The following TNFAIP6 variants were observed in gnomAD, a reference collection of about 807,000 sequenced individuals.
TNFAIP6 encodes tumor necrosis factor-inducible gene 6 protein.
Under a neutral mutation model 33.7 loss-of-function variants are expected in TNFAIP6, and 36 were observed. The observed-to-expected ratio is 1.07, with a 90% confidence interval of 0.82 to 1.41. The LOEUF (loss-of-function observed/expected upper bound fraction) is 1.41, where lower values mean the gene tolerates loss of function less well. Among genes scored for constraint, TNFAIP6 ranks in the 40% most tolerant of loss-of-function variants. The probability of loss-of-function intolerance (pLI) is 0.00; values close to 1 mark genes in which losing one functional copy is unlikely to be tolerated. For synonymous variants in TNFAIP6, 113 were observed against 112.8 expected (o/e 1.00, Z -0.01); for missense variants, 273 against 331.9 (o/e 0.82, Z 1.38).
chr2:151,359,947 T>G (rs1374323006), intron 1 of TNFAIP6, among the ~76,000 whole-genome samples: 1 of 152,152 alleles, frequency 6.6e-6, no homozygotes, highest in African/African-American at 2.4e-5. Flanking sequence ...ACATGGATCA[T>G]GAGAATAAAA....
chr2:151,366,701 A>G (rs1684717105), intron 3 of TNFAIP6, among the ~76,000 whole-genome samples: 1 of 152,256 alleles, frequency 6.6e-6, no homozygotes, highest in Non-Finnish European at 1.5e-5. Context: ...AAAAGGAGAC[A>G]AAGTAAACAA....
chr2:151,368,051 T>G (rs1684745615), intron 3 of TNFAIP6, among the ~76,000 whole-genome samples: 1 of 152,098 alleles, frequency 6.6e-6, no homozygotes, highest in African/African-American at 2.4e-5. Context: ...TCTATTAATA[T>G]ATACAACAAA....
chr2:151,364,626 G>A (rs1408531012), intron 2 of TNFAIP6, among the ~76,000 whole-genome samples: 2 of 152,140 alleles, frequency 1.3e-5, no homozygotes, highest in East Asian at 1.9e-4. Flanking sequence ...CTGGGAAGAT[G>A]GTATCAGAAG....
rs77956705 is a variant in TNFAIP6 at position 151,366,355 on chromosome 2, A to G, written c.394+138A>G. 4.2e-3 allele frequency: 3,066 copies of G among 735,656 alleles called. 73 individuals are homozygous for G. In the African/African-American group the frequency reaches 0.048, roughly 12 times the overall value. 45.6% of individuals were successfully genotyped at this position (735,656 alleles called of 1,614,324 possible). A position where few individuals can be genotyped will look rare whatever the true frequency, so the allele number is the denominator to read the frequency against. On this transcript the variant is annotated intron_variant, in intron 3 of 5. Coordinates refer to ENST00000243347, the MANE Select transcript of TNFAIP6 (RefSeq NM_007115.4). The stretch of plus-strand genomic sequence containing the variant: ...ACTACTACTAATAACTACAATTCAT[A>G]AAGTGCTTATACTATACCCGACATT...
rs201397265 is a variant in TNFAIP6 at position 151,371,593 on chromosome 2, C to CT, written c.623+1356dup. 8.7e-3 allele frequency among the ~76,000 whole-genome samples: 1,277 copies of CT among 145,966 alleles called. 22 individuals carry two copies. The East Asian group carries it at 0.094, about 11-fold the overall frequency. ...TTTTCTTCTTTCTACATCTTTTTTT[C>CT]TTTTTTTTTTTCTTTTTTTTGAGAC... is the stretch of plus-strand genomic sequence containing the variant. On this transcript the variant is annotated intron_variant, in intron 4 of 5. Coordinates refer to ENST00000243347, the MANE Select transcript of TNFAIP6 (RefSeq NM_007115.4).
At chr2:151,361,126 G>A (rs1345145260) in intron 1 of TNFAIP6, among the ~76,000 whole-genome samples, 2 of 151,794 alleles carry the variant, frequency 1.3e-5, no homozygotes, top group Admixed American at 1.3e-4. Context: ...CCCAGGCTGG[G>A]GTGTTGTGGC....
intron 4 of TNFAIP6, among the ~76,000 whole-genome samples, chr2:151,371,158 A>G (rs1384243380): frequency 6.6e-6 from 1 of 152,182 alleles, no homozygotes; most frequent in Non-Finnish European, 1.5e-5. Context: ...AGTAAGGTAA[A>G]TAAGCAAAGT....
At position 151,379,815 on chromosome 2, in the gene TNFAIP6, G is replaced by T; in HGVS notation, c.*282G>T. On this transcript the variant is annotated 3_prime_UTR_variant, in exon 6 of 6. Transcript: ENST00000243347. ...TGTATATATGTACCTATATGTATTT[G>T]CATTTGAAATTTTGGAATCCTGCTC... 1 of 182,508 alleles carries T rather than the reference G, an allele frequency of 5.5e-6. No homozygotes were observed. Among genetic ancestry groups the T allele is most frequent in the Non-Finnish European group, 1.1e-5 (1 of 89,048 alleles). The allele number at this position is 182,508 out of a possible 1,614,324, so 11.3% of individuals were successfully genotyped here.
intron 1 of TNFAIP6, among the ~76,000 whole-genome samples, chr2:151,363,259 T>C (rs1032541591): frequency 6.6e-6 from 1 of 151,996 alleles, no homozygotes; most frequent in African/African-American, 2.4e-5. Context: ...GAGATTGCAG[T>C]GAGCCCAGAT....
At chr2:151,362,058 TC>T (rs2152012199) in intron 1 of TNFAIP6, among the ~76,000 whole-genome samples, 1 of 152,314 alleles carries the variant, frequency 6.6e-6, no homozygotes, top group East Asian at 1.9e-4. Flanking sequence ...AATATGTATG[TC>T]CTCACTGCAA....
At chr2:151,363,232 C>G (rs1435076215) in intron 1 of TNFAIP6, among the ~76,000 whole-genome samples, 2 of 151,854 alleles carry the variant, frequency 1.3e-5, no homozygotes, top group Non-Finnish European at 2.9e-5. Context: ...AGGAGAATCG[C>G]TTGAACCCAG....
intron 1 of TNFAIP6, among the ~76,000 whole-genome samples, chr2:151,363,269 T>C (rs1216775612): frequency 6.6e-6 from 1 of 151,786 alleles, no homozygotes; most frequent in Non-Finnish European, 1.5e-5. Context: ...TGAGCCCAGA[T>C]TGCACCAGCC....
At position 151,357,682 on chromosome 2, in the gene TNFAIP6, T is replaced by C; in HGVS notation, c.16T>C (p.Tyr6His). Residue 6 changes from tyrosine to histidine, a missense_variant, in exon 1 of 6, where the codon TAC becomes CAC. By Grantham distance (83) the Tyr-to-His change is moderately conservative. Transcript: ENST00000243347. Reference sequence around the variant, plus strand: ...AACTGACGATATGATCATCTTAATTTACTTATTTCTCTTGCTATGGGAAGA... The same window carrying C: ...AACTGACGATATGATCATCTTAATTCACTTATTTCTCTTGCTATGGGAAGA... MIILI[Y>H]LFLLLWEDTQ... 6.2e-7 allele frequency: 1 copy of C among 1,610,516 alleles called. No homozygotes were observed. Among genetic ancestry groups the C allele is most frequent in the Non-Finnish European group, 8.5e-7 (1 of 1,176,838 alleles).
At chr2:151,369,947 A>G in intron 3 of TNFAIP6, 73 bp from the exon 4 acceptor site, 2 of 1,155,184 alleles carry the variant, frequency 1.7e-6, no homozygotes, top group South Asian at 2.8e-5. Context: ...TTGCTAAGAA[A>G]TGTCATTTTT....
chr2:151,364,524 T>G (rs1684680426), intron 2 of TNFAIP6, among the ~76,000 whole-genome samples: 1 of 152,142 alleles, frequency 6.6e-6, no homozygotes, highest in Non-Finnish European at 1.5e-5. Flanking sequence ...CCAATTTTTT[T>G]CCATTAAGTG....
chr2:151,376,578 T>C (rs930017117), intron 5 of TNFAIP6, among the ~76,000 whole-genome samples: 3 of 152,224 alleles, frequency 2.0e-5, no homozygotes, highest in Non-Finnish European at 2.9e-5. Context: ...GATGTTTTTC[T>C]ATTATACAAA....
chr2:151,367,547 T>C (rs1251523255), intron 3 of TNFAIP6, among the ~76,000 whole-genome samples: 1 of 152,168 alleles, frequency 6.6e-6, no homozygotes, highest in Non-Finnish European at 1.5e-5. Context: ...ACTGGATAAT[T>C]TCCATAGATT....
downstream of TNFAIP6, among the ~76,000 whole-genome samples, chr2:151,380,378 G>C (rs934074447): frequency 6.6e-6 from 1 of 151,484 alleles, no homozygotes; most frequent in Non-Finnish European, 1.5e-5. Context: ...TTACTTTAAT[G>C]GTTCTTTAAA....
downstream of TNFAIP6, among the ~76,000 whole-genome samples, chr2:151,381,304 C>G (rs1315991964): frequency 6.6e-6 from 1 of 151,918 alleles, no homozygotes. Context: ...GACCTCATCT[C>G]TATGAAAAAA....
Sources: allele counts gnomAD v4.1 joint callset (sites outside exome capture counted in the v4.1 genomes callset), GRCh38; gene constraint gnomAD v4.1.1; transcripts MANE v1.5; gene names NCBI Gene and HGNC (gene_info 2026-07-23, HGNC 2026-07-21).